MDGA1: variants seen among roughly 807,000 people sequenced by gnomAD.
The protein encoded by MDGA1 is MAM domain containing glycosylphosphatidylinositol anchor 1.
MDGA1 carries 54 observed loss-of-function variants against 101.5 expected under a neutral mutation model. The observed-to-expected ratio is 0.53, with a 90% confidence interval of 0.43 to 0.67. The LOEUF (loss-of-function observed/expected upper bound fraction) is 0.67. Ranked by LOEUF, MDGA1 falls within the 30% of genes least tolerant of loss-of-function variation. MDGA1 has a pLI of 0.00. For missense variants in MDGA1, 1,083 were observed against 1,323.8 expected, an observed-to-expected ratio of 0.82 and a Z score of 2.82; for synonymous variants, 533 against 558.3, an observed-to-expected ratio of 0.95 and a Z score of 0.64.
intron 1 of MDGA1, among the ~76,000 whole-genome samples, chr6:37,674,248 C>G (rs896756186): frequency 6.6e-6 from 1 of 152,238 alleles, no homozygotes; most frequent in Admixed American, 6.5e-5. Flanking sequence ...GTGTCTCTGA[C>G]CTCCGGGTAC....
rs753709998 is a variant in MDGA1, at chr6:37,638,619, G to C, written c.2585C>G (p.Thr862Arg). 2.2e-5 allele frequency: 36 copies of C among 1,613,818 alleles called. No homozygotes were observed. The highest frequency in any genetic ancestry group is 2.8e-5 in the Non-Finnish European group (33 of 1,179,868). Residue 862 changes from threonine (T) to arginine (R), a missense_variant, in exon 15 of 17, where the codon ACG (threonine) becomes AGG (arginine). This residue lies in a region of MDGA1 where 657 missense variants were observed against 771.4 expected (regional missense o/e 0.85). Transcript: ENST00000434837. This position sits in a 1 kb window ranked among gnomAD's most constrained non-coding sequence, Gnocchi z 4.8. ...VRSRNKGALD[T>R]HAWSLSGNKG... ...ATTGCCACTGAGAGACCAGGCGTGC[G>C]TGTCCAGAGCCCCTTTGTTCCGGGA...
chr6:37,638,809 G>A lies in MDGA1; in HGVS notation c.2537-142C>T. ...ACCTCCTCCCCATGCCCAGCTGGGT[G>A]CAATGTCCCATTCCTGCAGGGACAC... On this transcript the variant is annotated intron_variant, in intron 14 of 16. Coordinates refer to ENST00000434837, the MANE Select transcript of MDGA1 (RefSeq NM_153487.4). This position sits in a 1 kb window ranked among gnomAD's most constrained non-coding sequence, Gnocchi z 4.8. The A allele has an allele frequency of 1.8e-6, 2 of 1,094,938 alleles. No homozygotes were observed. Among genetic ancestry groups the A allele is most frequent in the Non-Finnish European group, 2.6e-6 (2 of 771,126 alleles). The allele number at this position is 1,094,938 out of a possible 1,614,324, so 67.8% of individuals were successfully genotyped here. A position where few individuals can be genotyped will look rare whatever the true frequency, so the allele number is the denominator to read the frequency against.
At chr6:37,692,454 C>T (rs1374831411) in intron 1 of MDGA1, among the ~76,000 whole-genome samples, 9 of 128,868 alleles carry the variant, frequency 7.0e-5, no homozygotes, top group African/African-American at 2.7e-4. Flanking sequence ...GTGGCAGGGA[C>T]GTGGGGGCAG....
chr6:37,666,242 C>T (rs1040205264), intron 1 of MDGA1, among the ~76,000 whole-genome samples: 3 of 150,576 alleles, frequency 2.0e-5, no homozygotes, highest in Non-Finnish European at 4.4e-5. Flanking sequence ...TACCTGTAAT[C>T]CCAGCTACTC....
chr6:37,654,490 C>T lies in MDGA1; in HGVS notation c.766G>A (p.Glu256Lys), dbSNP rs764481015. The T allele has an allele frequency of 8.1e-6, 13 of 1,613,900 alleles. No homozygotes were observed. Among genetic ancestry groups the T allele is most frequent in the African/African-American group, 1.3e-5 (1 of 74,930 alleles). ...AGCAGACACTGCACCGTCACATTCT[C>T]CCCAGGGTTCACCACCAGAGTTTCG... is the stretch of plus-strand genomic sequence containing the variant. ...VNETLVVNPG[E>K]NVTVQCLLTG... is the part of the protein sequence containing the mutation. The change falls in exon 6 of 17, where the codon GAG (glutamate) becomes AAG (lysine). Residue 256 changes from glutamate to lysine, a missense_variant. Glu to Lys is a moderately conservative substitution (Grantham distance 56, BLOSUM62 1). This residue lies in a region of MDGA1 where 310 missense variants were observed against 355.9 expected (regional missense o/e 0.87). Coordinates refer to ENST00000434837, the MANE Select transcript of MDGA1 (RefSeq NM_153487.4).
In MDGA1 at chr6:37,696,040, C is replaced by T. The variant is rs1233636470; in HGVS notation, c.67+705G>A. Among the ~76,000 whole-genome samples the T allele has an allele frequency of 6.6e-6, 1 of 152,170 alleles. No homozygotes were observed. Among genetic ancestry groups the T allele is most frequent in the Non-Finnish European group, 1.5e-5 (1 of 68,022 alleles). ...CGTGGCAGGAGGCAGAGTTTGGACA[C>T]GTATCCCGGTGGGTGCGTGCCGTGT... On this transcript the variant is annotated intron_variant, in intron 1 of 16. Coordinates refer to ENST00000434837, the MANE Select transcript of MDGA1 (RefSeq NM_153487.4). This position sits in a 1 kb window ranked among gnomAD's most constrained non-coding sequence, Gnocchi z 5.6.
Position 37,647,312 on chromosome 6 carries a change from C to T in MDGA1, c.1907G>A (p.Ser636Asn). 6.5e-7 allele frequency: 1 copy of T among 1,547,068 alleles called. No homozygotes were observed. The highest frequency in any genetic ancestry group is 8.7e-7 in the Non-Finnish European group (1 of 1,144,522). ...GGGGGTGTCGAAGTAAAACTCCGGG[C>T]TGTAGGCTTTGGCTAAGAGGGCGGG... is the stretch of plus-strand genomic sequence containing the variant. ...CLFQVSAKAY[S>N]PEFYFDTPNP... Residue 636 changes from serine to asparagine, a missense_variant, in exon 10 of 17, where the codon AGC (serine) becomes AAC (asparagine). By Grantham distance (46) the Ser-to-Asn change is conservative. Around this residue, in one of 3 missense-constraint regions of MDGA1, gnomAD observed 657 missense variants for 771.4 expected, o/e 0.85. Transcript: ENST00000434837.
intron 12 of MDGA1, among the ~76,000 whole-genome samples, chr6:37,644,952 A>G (rs567012771): frequency 6.6e-6 from 1 of 152,284 alleles, no homozygotes; most frequent in African/African-American, 2.4e-5. Context: ...TTATATCGAA[A>G]TACAGTTGTC....
intron 1 of MDGA1, among the ~76,000 whole-genome samples, chr6:37,693,460 C>T (rs974654975): frequency 2.0e-5 from 3 of 152,238 alleles, no homozygotes; most frequent in Admixed American, 6.5e-5. Flanking sequence ...AATATTTTGA[C>T]TTCCACCAGT....
intron 1 of MDGA1, among the ~76,000 whole-genome samples, chr6:37,678,194 G>A (rs1353484213): frequency 6.6e-6 from 1 of 152,088 alleles, no homozygotes. Flanking sequence ...ACTTGTATTA[G>A]TGGGAACACG....
chr6:37,672,246 T>C (rs553814080), intron 1 of MDGA1, among the ~76,000 whole-genome samples: 5 of 151,470 alleles, frequency 3.3e-5, no homozygotes, highest in African/African-American at 1.2e-4. Context: ...AGGCTAGGGG[T>C]TCAAGACCAG....
Position 37,652,017 on chromosome 6 carries a change from C to G in MDGA1, c.1306G>C (p.Glu436Gln), listed in dbSNP as rs544577469. Residue 436 changes from glutamate to glutamine, a missense_variant, in exon 7 of 17, where the codon GAG becomes CAG. Transcript: ENST00000434837. The surrounding 1 kb of genome is among the most constrained non-coding windows in gnomAD (Gnocchi z 4.3). ...DLSVEVNISS[E>Q]TVPPTISVPK... is the part of the protein sequence containing the mutation. ...TGCCCCTCCAGCTGCCCACCTGTCTCAGAGGAGATGTTGACCTCGACGCTG... is the reference window on the plus strand; with the variant it reads ...TGCCCCTCCAGCTGCCCACCTGTCTGAGAGGAGATGTTGACCTCGACGCTG... 5 of 1,589,444 alleles carry G rather than the reference C, an allele frequency of 3.1e-6. No individual in the cohort carries two copies. The Admixed American group carries it at 5.1e-5, about 16-fold the overall frequency.
In MDGA1 at chr6:37,652,270, C is replaced by T; in HGVS notation, c.1053G>A (p.Gln351=). The T allele has an allele frequency of 6.2e-7, 1 of 1,614,020 alleles. No homozygotes were observed. The highest frequency in any genetic ancestry group is 8.5e-7 in the Non-Finnish European group (1 of 1,179,896). The change falls in exon 7 of 17, where the codon CAG becomes CAA. Residue 351 remains glutamine (Q), a synonymous_variant. Transcript: ENST00000434837. The surrounding 1 kb of genome is among the most constrained non-coding windows in gnomAD (Gnocchi z 4.3). ...CCACGTGGCACGATAGCTTCAGGTC[C>T]TGGCCCAGCTGGATGTTCTCACTCT... ...IKESENIQLG[Q]DLKLSCHVDA... is the part of the protein sequence containing the mutation.
In MDGA1 at chr6:37,635,797, T is replaced by C; in HGVS notation, c.*1571A>G. The C allele has an allele frequency of 2.5e-6, 1 of 398,302 alleles. No individual in the cohort carries two copies. The highest frequency in any genetic ancestry group is 4.4e-6 in the Non-Finnish European group (1 of 226,102). The allele number at this position is 398,302 out of a possible 1,614,324, so 24.7% of individuals were successfully genotyped here. On this transcript the variant is annotated 3_prime_UTR_variant, in exon 17 of 17. Transcript: ENST00000434837. ...GGATGAAAGGTGGAATTTCAGGCCA[T>C]CGCAGGCAGCTTGAGACTACAGAAC... is the stretch of plus-strand genomic sequence containing the variant.
At chr6:37,674,309 G>A (rs1473106465) in intron 1 of MDGA1, among the ~76,000 whole-genome samples, 1 of 152,240 alleles carries the variant, frequency 6.6e-6, no homozygotes, top group African/African-American at 2.4e-5. Context: ...AAGGATCAGT[G>A]TGCAGGCCGC....
chr6:37,693,454 T>G (rs1289109561), intron 1 of MDGA1, among the ~76,000 whole-genome samples: 1 of 152,252 alleles, frequency 6.6e-6, no homozygotes, highest in Non-Finnish European at 1.5e-5. Context: ...TGGTGAAATA[T>G]TTTGACTTCC....
chr6:37,666,591 T>C (rs572623432), intron 1 of MDGA1, among the ~76,000 whole-genome samples: 45 of 152,230 alleles, frequency 3.0e-4, no homozygotes, highest in Non-Finnish European at 6.5e-4. Context: ...GGCCTGTGTT[T>C]CTGTCAAATT....
Position 37,655,085 on chromosome 6 carries a change from T to C in MDGA1, c.580-153A>G, listed in dbSNP as rs901996874. 5.2e-5 allele frequency: 46 copies of C among 891,684 alleles called. 1 individual carries two copies. Among genetic ancestry groups the C allele is most frequent in the Non-Finnish European group, 7.4e-5 (44 of 597,106 alleles). The allele number at this position is 891,684 out of a possible 1,614,324, so 55.2% of individuals were successfully genotyped here. A position where few individuals can be genotyped will look rare whatever the true frequency, so the allele number is the denominator to read the frequency against. The stretch of plus-strand genomic sequence containing the variant: ...CACCCTCACCATTTAGCCCCAGGGG[T>C]CCTGAGCCTGGGGTGGATGCTACAC... On this transcript the variant is annotated intron_variant, in intron 4 of 16. Transcript: ENST00000434837. The surrounding 1 kb of genome is among the most constrained non-coding windows in gnomAD (Gnocchi z 5.1).
In MDGA1 at chr6:37,637,104, C is replaced by T. The variant is rs911704851; in HGVS notation, c.*264G>A. On this transcript the variant is annotated 3_prime_UTR_variant, in exon 17 of 17. Coordinates refer to ENST00000434837, the MANE Select transcript of MDGA1 (RefSeq NM_153487.4). The stretch of plus-strand genomic sequence containing the variant: ...TGCAGTAAAGAAGGTGCTGGCAGGT[C>T]AGATAGAAACTTGTGCTTTAATATA... The T allele has an allele frequency of 5.2e-6, 2 of 382,246 alleles. No individual in the cohort carries two copies. Among genetic ancestry groups the T allele is most frequent in the Non-Finnish European group, 9.4e-6 (2 of 212,096 alleles). The allele number at this position is 382,246 out of a possible 1,614,324, so 23.7% of individuals were successfully genotyped here. A position where few individuals can be genotyped will look rare whatever the true frequency, so the allele number is the denominator to read the frequency against.
Sources: gnomAD v4.1 joint callset for allele counts (sites outside exome capture counted in the v4.1 genomes callset) on GRCh38, gnomAD v4.1.1 for gene constraint, gnomAD v4.1.1 regional missense constraint, Gnocchi (gnomAD v3.1) non-coding constraint, MANE v1.5 for transcripts, NCBI Gene and HGNC (gene_info 2026-07-23, HGNC 2026-07-21) for gene names.